TUSC3: variants seen among roughly 807,000 people sequenced by gnomAD.
The protein encoded by TUSC3 is tumor suppressor candidate 3.
In TUSC3, 45 loss-of-function variants were observed where a neutral mutation model predicts 44.8. The ratio of observed to expected loss-of-function variants is 1.00; its 90% CI spans 0.79 to 1.29. The LOEUF is 1.29. TUSC3 is among the 50% of genes most tolerant of loss of function. The pLI, the probability that TUSC3 is intolerant of heterozygous loss-of-function variation, is 0.00. For synonymous variants in TUSC3, 212 were observed against 152.9 expected (o/e 1.39, Z -2.85); for missense variants, 519 against 437.9 (o/e 1.19, Z -1.65).
rs57739356 is a variant in TUSC3 at position 15,658,639 on chromosome 8, T to TACACACAC, written c.427-854_427-847dup. Among the ~76,000 whole-genome samples, 921 of 148,674 alleles carry TACACACAC rather than the reference T, an allele frequency of 6.2e-3. 6 individuals are homozygous for TACACACAC. Among genetic ancestry groups the TACACACAC allele is most frequent in the South Asian group, 0.016 (73 of 4,690 alleles). On this transcript the variant is annotated intron_variant, in intron 3 of 10. Transcript: ENST00000503731. The stretch of plus-strand genomic sequence containing the variant: ...ATTCGTGTATATATACACATATATA[T>TACACACAC]ACACACACACACACACACACAAATA...
intron 9 of TUSC3, among the ~76,000 whole-genome samples, chr8:15,757,463 C>G (rs1563208753): frequency 6.6e-6 from 1 of 152,124 alleles, no homozygotes; most frequent in Admixed American, 6.6e-5. Flanking sequence ...ATTTGTACAT[C>G]TTAACAACCT....
intron 6 of TUSC3, among the ~76,000 whole-genome samples, chr8:15,681,252 C>T: frequency 6.7e-6 from 1 of 149,870 alleles, no homozygotes; most frequent in Non-Finnish European, 1.5e-5. Flanking sequence ...AGGATTGGTA[C>T]CAGTTCTTCT....
At chr8:15,455,112 A>G (rs1435864104) in intron 1 of TUSC3, among the ~76,000 whole-genome samples, 1 of 152,156 alleles carries the variant, frequency 6.6e-6, no homozygotes, top group East Asian at 1.9e-4. Context: ...TAGCAAAGGC[A>G]CTATTAAAGT....
At chr8:15,560,954 CT>C (rs1802436146) in intron 1 of TUSC3, among the ~76,000 whole-genome samples, 1 of 93,412 alleles carries the variant, frequency 1.1e-5, no homozygotes, top group African/African-American at 3.8e-5. Context: ...TTTGAATGTC[CT>C]CCTGTAGCTG....
intron 6 of TUSC3, among the ~76,000 whole-genome samples, chr8:15,689,830 G>GTC (rs1808818144): frequency 2.0e-5 from 1 of 50,204 alleles, no homozygotes; most frequent in South Asian, 7.4e-4. Flanking sequence ...TGGTGTGTGT[G>GTC]TGTGTGTGTG....
chr8:15,588,086 T>G (rs1400647513), intron 1 of TUSC3, among the ~76,000 whole-genome samples: 1 of 152,132 alleles, frequency 6.6e-6, no homozygotes, highest in Non-Finnish European at 1.5e-5. Context: ...AGTAGTGGGA[T>G]TGATTGCTGG....
intron 1 of TUSC3, among the ~76,000 whole-genome samples, chr8:15,610,532 A>G (rs1272909850): frequency 1.3e-5 from 2 of 152,232 alleles, no homozygotes; most frequent in Non-Finnish European, 2.9e-5. Flanking sequence ...AACATCTGGC[A>G]ACAGCAATTC....
chr8:15,481,907 A>G (rs1800667052), intron 1 of TUSC3, among the ~76,000 whole-genome samples: 2 of 152,294 alleles, frequency 1.3e-5, no homozygotes, highest in South Asian at 4.1e-4. Context: ...AGTTTGCTCC[A>G]TTGATTGACT....
At chr8:15,658,405 T>C (rs908609706) in intron 3 of TUSC3, among the ~76,000 whole-genome samples, 9 of 152,144 alleles carry the variant, frequency 5.9e-5, no homozygotes, top group Non-Finnish European at 2.9e-5. Context: ...TGACTGTACT[T>C]GGTTATTAAA....
chr8:15,606,151 T>C (rs1421376326), intron 1 of TUSC3, among the ~76,000 whole-genome samples: 3 of 151,938 alleles, frequency 2.0e-5, no homozygotes, highest in Non-Finnish European at 4.4e-5. Flanking sequence ...AAAAGTTGAG[T>C]TGCTTGATAG....
intron 1 of TUSC3, among the ~76,000 whole-genome samples, chr8:15,619,529 T>C (rs1225765784): frequency 6.6e-6 from 1 of 152,042 alleles, no homozygotes; most frequent in Non-Finnish European, 1.5e-5. Context: ...TCTGTCTCTG[T>C]CGCCCAGGCT....
At chr8:15,692,686 A>C (rs1808971580) in intron 6 of TUSC3, among the ~76,000 whole-genome samples, 1 of 144,062 alleles carries the variant, frequency 6.9e-6, no homozygotes. Context: ...ATTTCCATGG[A>C]GTCAGTCGTA....
At chr8:15,717,961 A>G (rs1471672089) in intron 6 of TUSC3, among the ~76,000 whole-genome samples, 2 of 152,080 alleles carry the variant, frequency 1.3e-5, no homozygotes, top group African/African-American at 4.8e-5. Context: ...TATATATACT[A>G]TGTTTCCTTT....
chr8:15,672,069 C>T (rs1807972153), intron 5 of TUSC3, among the ~76,000 whole-genome samples: 2 of 151,932 alleles, frequency 1.3e-5, no homozygotes, highest in Non-Finnish European at 2.9e-5. Flanking sequence ...ACTGGGTTGA[C>T]ATAGCATGAA....
intron 2 of TUSC3, among the ~76,000 whole-genome samples, 159 bp downstream of exon 2, chr8:15,623,408 GA>G (rs1805340181): frequency 6.6e-6 from 1 of 152,054 alleles, no homozygotes; most frequent in Admixed American, 6.6e-5. Context: ...GTGTATTTTA[GA>G]AATATAGGCT....
Position 15,640,204 on chromosome 8 carries a change from T to C in TUSC3, c.309-10493T>C, listed in dbSNP as rs191105347. Among the ~76,000 whole-genome samples, 656 of 152,332 alleles carry C rather than the reference T, an allele frequency of 4.3e-3. 16 individuals are homozygous for C. Among genetic ancestry groups the C allele is most frequent in the Non-Finnish European group, 9.6e-4 (65 of 68,028 alleles). ...GCAGAGGGCATCTACATGACCAACC[T>C]TCTTGGGCACTGAATCTGTAATGAA... On this transcript the variant is annotated intron_variant, in intron 2 of 10. Coordinates refer to ENST00000503731, the MANE Select transcript of TUSC3 (RefSeq NM_006765.4).
At chr8:15,661,678 G>A (rs1212866152) in intron 4 of TUSC3, among the ~76,000 whole-genome samples, 1 of 151,906 alleles carries the variant, frequency 6.6e-6, no homozygotes, top group Non-Finnish European at 1.5e-5. Flanking sequence ...GATATAGTAA[G>A]TAGTAAAAGC....
chr8:15,716,826 C>G (rs1810079239), intron 6 of TUSC3, among the ~76,000 whole-genome samples: 1 of 151,890 alleles, frequency 6.6e-6, no homozygotes, highest in Middle Eastern at 3.2e-3. Flanking sequence ...TTTTTCTCTA[C>G]TATTTATACG....
chr8:15,496,030 C>T (rs923255417), intron 2 of TUSC3, among the ~76,000 whole-genome samples: 4 of 152,046 alleles, frequency 2.6e-5, no homozygotes, highest in African/African-American at 4.8e-5. Flanking sequence ...TTCCAGAATC[C>T]CATCACCCTT....
Sources: gnomAD v4.1 joint callset for allele counts (sites outside exome capture counted in the v4.1 genomes callset) on GRCh38, gnomAD v4.1.1 for gene constraint, MANE v1.5 for transcripts, NCBI Gene and HGNC (gene_info 2026-07-23, HGNC 2026-07-21) for gene names.